Variants in RAPGEF2 observed in about 807,000 individuals in gnomAD.
RAPGEF2 encodes PDZ domain containing guanine nucleotide exchange factor (GEF) 1.
RAPGEF2 carries 54 observed loss-of-function variants against 186.7 expected under a neutral mutation model. That is an observed-to-expected ratio of 0.29 (90% confidence interval 0.23 to 0.36). RAPGEF2 has a LOEUF of 0.36. RAPGEF2 is among the 10% of genes least tolerant of loss of function. The pLI is 1.00. For missense variants in RAPGEF2, 1,532 were observed against 2,045.0 expected, an observed-to-expected ratio of 0.75 and a Z score of 4.84; for synonymous variants, 712 against 705.9, an observed-to-expected ratio of 1.01 and a Z score of -0.14.
At chr4:159,346,733 A>G (rs1431298171) in intron 24 of RAPGEF2, 56 bp from the exon 25 acceptor site, 50 of 1,411,206 alleles carry the variant, frequency 3.5e-5, no homozygotes, top group Non-Finnish European at 4.8e-5. Flanking sequence ...TATCTTCTAC[A>G]TACCTACTAG....
intron 7 of RAPGEF2, among the ~76,000 whole-genome samples, chr4:159,275,722 G>A (rs567625872): frequency 6.6e-6 from 1 of 151,870 alleles, no homozygotes; most frequent in African/African-American, 2.4e-5. Context: ...CTTATTATAG[G>A]GTATTTTCAG....
chr4:159,124,155 T>TTTG (rs977137978), intron 1 of RAPGEF2, among the ~76,000 whole-genome samples: 69 of 151,752 alleles, frequency 4.5e-4, no homozygotes, highest in Admixed American at 1.8e-3. Context: ...GCACCCGGCC[T>TTTG]TTGTTGTTGT....
chr4:159,208,894 T>C (rs1426992954), intron 3 of RAPGEF2, among the ~76,000 whole-genome samples: 2 of 152,028 alleles, frequency 1.3e-5, no homozygotes, highest in African/African-American at 4.8e-5. Context: ...TCACAATTTT[T>C]TTTTTTGTTT....
chr4:159,154,692 A>G (rs569258461), intron 1 of RAPGEF2, among the ~76,000 whole-genome samples: 3 of 152,154 alleles, frequency 2.0e-5, no homozygotes, highest in South Asian at 2.1e-4. Flanking sequence ...GTGATTGACT[A>G]TGGAGATTTT....
chr4:159,155,819 A>C (rs937775982), intron 1 of RAPGEF2, among the ~76,000 whole-genome samples: 3 of 151,910 alleles, frequency 2.0e-5, no homozygotes, highest in African/African-American at 7.3e-5. Flanking sequence ...ATAGCTATAA[A>C]ATTTCCTCTC....
intron 8 of RAPGEF2, among the ~76,000 whole-genome samples, chr4:159,307,707 C>T (rs1338317360): frequency 6.6e-6 from 1 of 152,196 alleles, no homozygotes; most frequent in East Asian, 1.9e-4. Context: ...TGCAGTGGCT[C>T]ATGCCTGTAA....
At chr4:159,217,991 T>C (rs1267211624) in intron 4 of RAPGEF2, among the ~76,000 whole-genome samples, 1 of 152,230 alleles carries the variant, frequency 6.6e-6, no homozygotes, top group Non-Finnish European at 1.5e-5. Flanking sequence ...TAAAGAGCTA[T>C]ATAGGATTAG....
In RAPGEF2 at chr4:159,243,810, G is replaced by A; in HGVS notation, c.543+19G>A. Reference sequence around the variant, plus strand: ...ATCTCAGGTATTGTAATTTGTGTGTGGTCTTCTGACACTAACCTAAGTTTA... The same window carrying A: ...ATCTCAGGTATTGTAATTTGTGTGTAGTCTTCTGACACTAACCTAAGTTTA... On this transcript the variant is annotated intron_variant, in intron 7 of 29. Coordinates refer to ENST00000691494, the MANE Select transcript of RAPGEF2 (RefSeq NM_001394067.2). The A allele has an allele frequency of 7.9e-7, 1 of 1,270,012 alleles. No individual in the cohort carries two copies. The highest frequency in any genetic ancestry group is 1.0e-6 in the Non-Finnish European group (1 of 971,272). 78.7% of individuals were successfully genotyped at this position (1,270,012 alleles called of 1,614,324 possible). A position where few individuals can be genotyped will look rare whatever the true frequency, so the allele number is the denominator to read the frequency against.
chr4:159,265,005 T>C (rs1757272380), intron 7 of RAPGEF2, among the ~76,000 whole-genome samples: 1 of 152,254 alleles, frequency 6.6e-6, no homozygotes, highest in Non-Finnish European at 1.5e-5. Flanking sequence ...TATCTGTCGA[T>C]GAACACTTGG....
chr4:159,173,249 A>G (rs1180713350), intron 1 of RAPGEF2, among the ~76,000 whole-genome samples: 1 of 152,162 alleles, frequency 6.6e-6, no homozygotes, highest in Non-Finnish European at 1.5e-5. Flanking sequence ...CTTCCATTCA[A>G]AGAGTACTTC....
intron 3 of RAPGEF2, among the ~76,000 whole-genome samples, chr4:159,201,602 A>T (rs1284031552): frequency 6.6e-6 from 1 of 152,036 alleles, no homozygotes; most frequent in Non-Finnish European, 1.5e-5. Flanking sequence ...GAAGTCTGTA[A>T]TAACAGCAGT....
chr4:159,341,768 C>A lies in RAPGEF2; in HGVS notation c.2739C>A (p.Thr913=). ...ATTTATTTAAACTCAGATCAAAAAC[C>A]AGCTGTGCCAACCTGAAGAGATTTG... is the stretch of plus-strand genomic sequence containing the variant. ...IDDLFKLRSK[T]SCANLKRFEE... is the part of the protein sequence containing the mutation. The change falls in exon 20 of 30, where the codon ACC becomes ACA. Residue 913 remains threonine (T), a synonymous_variant. Coordinates refer to ENST00000691494, the MANE Select transcript of RAPGEF2 (RefSeq NM_001394067.2). 6.2e-7 allele frequency: 1 copy of A among 1,613,952 alleles called. No homozygotes were observed. Among genetic ancestry groups the A allele is most frequent in the Non-Finnish European group, 8.5e-7 (1 of 1,179,896 alleles).
chr4:159,204,902 C>G lies in RAPGEF2; in HGVS notation c.198-5598C>G, dbSNP rs143448020. On this transcript the variant is annotated intron_variant, in intron 3 of 29. Transcript: ENST00000691494. Reference sequence around the variant, plus strand: ...TAGTCTTCAGATTTCTGTTTTTTGCCCAGTACTGGTAGTGTCAGGTTATTT... The same window carrying G: ...TAGTCTTCAGATTTCTGTTTTTTGCGCAGTACTGGTAGTGTCAGGTTATTT... 4.3e-4 allele frequency among the ~76,000 whole-genome samples: 66 copies of G among 152,042 alleles called. 1 individual carries two copies. The East Asian group carries it at 0.012, about 28-fold the overall frequency.
intron 1 of RAPGEF2, among the ~76,000 whole-genome samples, chr4:159,139,124 A>G (rs1288055838): frequency 6.6e-6 from 1 of 152,170 alleles, no homozygotes. Flanking sequence ...ATTTTTGAGC[A>G]CACCTACCGT....
intron 1 of RAPGEF2, among the ~76,000 whole-genome samples, chr4:159,140,401 C>T (rs1327823448): frequency 6.6e-6 from 1 of 152,184 alleles, no homozygotes; most frequent in Admixed American, 6.5e-5. Flanking sequence ...TTACCTTTCT[C>T]TTTTAAAAGC....
At chr4:159,235,423 T>A (rs942771334) in intron 4 of RAPGEF2, among the ~76,000 whole-genome samples, 2 of 152,240 alleles carry the variant, frequency 1.3e-5, no homozygotes, top group Admixed American at 6.5e-5. Flanking sequence ...TTTTTCAGTG[T>A]AGAGCATTTC....
intron 1 of RAPGEF2, among the ~76,000 whole-genome samples, chr4:159,146,420 A>G (rs1479334373): frequency 6.7e-6 from 1 of 149,852 alleles, no homozygotes; most frequent in East Asian, 2.0e-4. Context: ...CTGGTAAGTT[A>G]TAAAGCCTAA....
At position 159,344,758 on chromosome 4, in the gene RAPGEF2, A is replaced by C. The variant is rs561291489; in HGVS notation, c.3279-348A>C. Among the ~76,000 whole-genome samples the C allele has an allele frequency of 5.3e-5, 8 of 152,318 alleles. No individual in the cohort carries two copies. In the East Asian group the frequency reaches 1.5e-3, roughly 29 times the overall value. ...TAGGAGAAGTAATTTTAATGTTGCA[A>C]ATCTTAATGATTATAGCTGTGTATT... On this transcript the variant is annotated intron_variant, in intron 23 of 29. Coordinates refer to ENST00000691494, the MANE Select transcript of RAPGEF2 (RefSeq NM_001394067.2).
At chr4:159,206,747 A>G (rs1561085667) in intron 3 of RAPGEF2, among the ~76,000 whole-genome samples, 1 of 152,178 alleles carries the variant, frequency 6.6e-6, no homozygotes, top group Non-Finnish European at 1.5e-5. Flanking sequence ...AAGTAAGGGG[A>G]ATTTTCTAGA....
Sources: gnomAD v4.1 joint callset for allele counts (sites outside exome capture counted in the v4.1 genomes callset) on GRCh38, gnomAD v4.1.1 for gene constraint, MANE v1.5 for transcripts, NCBI Gene and HGNC (gene_info 2026-07-23, HGNC 2026-07-21) for gene names.